Variants in FRMD4A observed in about 807,000 individuals in gnomAD.
The protein encoded by FRMD4A is FERM domain-containing protein 4A.
In FRMD4A, 29 loss-of-function variants were observed where a neutral mutation model predicts 129.1. That is an observed-to-expected ratio of 0.22 (90% CI 0.17 to 0.31). FRMD4A has a LOEUF of 0.31. FRMD4A is among the 10% of genes least tolerant of loss of function. The pLI, the probability that FRMD4A is intolerant of heterozygous loss-of-function variation, is 1.00. For missense variants in FRMD4A, 1,272 were observed against 1,375.8 expected (o/e 0.92, Z 1.19); for synonymous variants, 634 against 571.6 (o/e 1.11, Z -1.56).
intron 2 of FRMD4A, among the ~76,000 whole-genome samples, chr10:13,958,881 A>G (rs1325703262): frequency 6.6e-6 from 1 of 152,164 alleles, no homozygotes; most frequent in African/African-American, 2.4e-5. Context: ...CACCGTGCCC[A>G]GGCTATTCTG....
At chr10:14,104,102 G>A (rs534828815) in intron 2 of FRMD4A, among the ~76,000 whole-genome samples, 35 of 152,122 alleles carry the variant, frequency 2.3e-4, no homozygotes, top group Middle Eastern at 3.4e-3. Context: ...ACCTGCCATC[G>A]AGGTCTACAT....
At chr10:14,155,411 CA>C (rs1173814185) in intron 2 of FRMD4A, among the ~76,000 whole-genome samples, 2 of 152,038 alleles carry the variant, frequency 1.3e-5, no homozygotes, top group Non-Finnish European at 2.9e-5. Context: ...GCACTGGGGG[CA>C]ATAAATAATG....
chr10:14,207,693 C>CACACAT (rs2131950416), intron 2 of FRMD4A, among the ~76,000 whole-genome samples: 1 of 151,734 alleles, frequency 6.6e-6, no homozygotes, highest in Admixed American at 6.6e-5. Context: ...TAACCACACA[C>CACACAT]ACACACACAC....
chr10:14,273,443 T>A (rs1251235662), intron 2 of FRMD4A, among the ~76,000 whole-genome samples: 1 of 152,132 alleles, frequency 6.6e-6, no homozygotes, highest in Non-Finnish European at 1.5e-5. Context: ...CTTACAACAT[T>A]GCAAAAATTA....
intron 2 of FRMD4A, among the ~76,000 whole-genome samples, chr10:14,026,506 C>A (rs947990145): frequency 1.3e-5 from 2 of 152,130 alleles, no homozygotes; most frequent in Non-Finnish European, 2.9e-5. Flanking sequence ...AGAATTAGAG[C>A]GGGTCCCACA....
At chr10:14,255,877 G>C (rs997813341) in intron 2 of FRMD4A, among the ~76,000 whole-genome samples, 1 of 151,840 alleles carries the variant, frequency 6.6e-6, no homozygotes, top group Non-Finnish European at 1.5e-5. Flanking sequence ...GTGGTGGCCT[G>C]CACCTTTAAT....
chr10:13,685,650 T>C (rs1589369004), intron 15 of FRMD4A: 7 of 984,234 alleles, frequency 7.1e-6, no homozygotes, highest in African/African-American at 3.5e-5. Context: ...TGGGAAGTGA[T>C]AGTTATATCT....
At chr10:13,898,899 G>A (rs1179776244) in intron 2 of FRMD4A, among the ~76,000 whole-genome samples, 1 of 152,074 alleles carries the variant, frequency 6.6e-6, no homozygotes, top group African/African-American at 2.4e-5. Context: ...AATGAGCCTG[G>A]GAGCTGGGCA....
chr10:13,953,688 G>C (rs531408569), intron 2 of FRMD4A, among the ~76,000 whole-genome samples: 1 of 152,096 alleles, frequency 6.6e-6, no homozygotes, highest in African/African-American at 2.4e-5. Context: ...CAAGAGCAAC[G>C]AATCTGGCAT....
At chr10:13,835,326 T>G (rs2093855786) in intron 3 of FRMD4A, among the ~76,000 whole-genome samples, 3 of 152,240 alleles carry the variant, frequency 2.0e-5, no homozygotes, top group Non-Finnish European at 2.9e-5. Flanking sequence ...AATGGTTGTA[T>G]GCCTGGCATG....
At chr10:14,280,625 C>T (rs577111267) in intron 2 of FRMD4A, among the ~76,000 whole-genome samples, 2 of 152,314 alleles carry the variant, frequency 1.3e-5, no homozygotes, top group South Asian at 4.2e-4. Context: ...TGGATTTTGT[C>T]CTTCTGTCTT....
intron 2 of FRMD4A, among the ~76,000 whole-genome samples, chr10:14,045,098 T>C (rs2081591906): frequency 6.6e-6 from 1 of 152,138 alleles, no homozygotes. Flanking sequence ...TGACAGGGCC[T>C]ATCTATGTTG....
intron 3 of FRMD4A, among the ~76,000 whole-genome samples, chr10:13,820,444 G>A (rs2093612724): frequency 6.6e-6 from 1 of 152,058 alleles, no homozygotes; most frequent in Admixed American, 6.6e-5. Flanking sequence ...ACTCCATGGT[G>A]AAGCAGGCCC....
At chr10:13,767,392 C>A (rs948043808) in intron 6 of FRMD4A, among the ~76,000 whole-genome samples, 2 of 152,120 alleles carry the variant, frequency 1.3e-5, no homozygotes, top group African/African-American at 4.8e-5. Context: ...GTGTGCGTCA[C>A]CATGCCTGGC....
intron 23 of FRMD4A, 124 bp from the exon 24 acceptor site, chr10:13,652,098 G>GAGTT (rs1418389878): frequency 1.4e-6 from 1 of 712,480 alleles, no homozygotes; most frequent in African/African-American, 1.7e-5. Flanking sequence ...TTAGACACCT[G>GAGTT]AGTTAGCAAC....
Position 14,127,775 on chromosome 10 carries a change from C to A in FRMD4A, c.45+202283G>T, listed in dbSNP as rs142973428. ...TAAAGGTATTTCCCTCCTCAAAATA[C>A]CTTTGGTCCATCTCCTCCTCTTGGA... On this transcript the variant is annotated intron_variant, in intron 2 of 24. Transcript: ENST00000357447. Among the ~76,000 whole-genome samples the A allele has an allele frequency of 2.0e-3, 312 of 152,220 alleles. 1 individual carries two copies. Among genetic ancestry groups the A allele is most frequent in the African/African-American group, 7.1e-3 (293 of 41,528 alleles).
At chr10:13,843,933 C>T (rs1253332507) in intron 3 of FRMD4A, among the ~76,000 whole-genome samples, 1 of 152,220 alleles carries the variant, frequency 6.6e-6, no homozygotes, top group Non-Finnish European at 1.5e-5. Flanking sequence ...GAATTAACTG[C>T]ATTTAATTCC....
At chr10:14,122,174 A>G (rs1033201811) in intron 2 of FRMD4A, among the ~76,000 whole-genome samples, 5 of 152,202 alleles carry the variant, frequency 3.3e-5, no homozygotes, top group African/African-American at 1.2e-4. Flanking sequence ...TTTGCTTTGT[A>G]AAGGATGTTG....
intron 2 of FRMD4A, among the ~76,000 whole-genome samples, chr10:13,859,895 G>C (rs1220306792): frequency 6.6e-6 from 1 of 152,160 alleles, no homozygotes; most frequent in African/African-American, 2.4e-5. Context: ...GTCTAGTGTT[G>C]GTCCTGCTGC....
Sources: allele counts gnomAD v4.1 joint callset (sites outside exome capture counted in the v4.1 genomes callset), GRCh38; gene constraint gnomAD v4.1.1; transcripts MANE v1.5; gene names NCBI Gene and HGNC (gene_info 2026-07-23, HGNC 2026-07-21).